Variants in SEMA3D observed in about 807,000 individuals in gnomAD.
SEMA3D encodes semaphorin 3D, also known as semaphorin-3D.
Under a neutral mutation model 100.1 loss-of-function variants are expected in SEMA3D, and 84 were observed. The ratio of observed to expected loss-of-function variants is 0.84; its 90% CI spans 0.70 to 1.01. SEMA3D has a LOEUF of 1.01. SEMA3D is among the 50% of genes least tolerant of loss of function. The pLI, the probability that SEMA3D is intolerant of heterozygous loss-of-function variation, is 0.00. For missense variants in SEMA3D, 875 were observed against 934.1 expected, an observed-to-expected ratio of 0.94 and a Z score of 0.82; for synonymous variants, 312 against 320.7, an observed-to-expected ratio of 0.97 and a Z score of 0.29.
intron 2 of SEMA3D, among the ~76,000 whole-genome samples, chr7:85,149,511 G>C (rs575081969): frequency 6.6e-6 from 1 of 152,026 alleles, no homozygotes; most frequent in Non-Finnish European, 1.5e-5. Flanking sequence ...AGTAACACTT[G>C]CCTCAAACAA....
At chr7:85,001,453 G>A (rs1483066047) in intron 18 of SEMA3D, among the ~76,000 whole-genome samples, 1 of 152,178 alleles carries the variant, frequency 6.6e-6, no homozygotes, top group African/African-American at 2.4e-5. Flanking sequence ...TAAAATAAAT[G>A]TGAATTTGAA....
chr7:85,038,439 G>A (rs1414328353), intron 11 of SEMA3D, among the ~76,000 whole-genome samples: 4 of 152,098 alleles, frequency 2.6e-5, no homozygotes, highest in Non-Finnish European at 5.9e-5. Flanking sequence ...TGCCATTATT[G>A]CAGGTTTATT....
chr7:85,213,053 T>G, the SEMA3D span, among the ~76,000 whole-genome samples: 806 of 152,142 alleles, frequency 5.3e-3, 21 homozygotes, highest in African/African-American at 0.018. Context: ...AGAATACATT[T>G]AGGAATTGTT....
At chr7:85,161,106 G>A (rs1377461739) in intron 1 of SEMA3D, among the ~76,000 whole-genome samples, 1 of 151,982 alleles carries the variant, frequency 6.6e-6, no homozygotes, top group Non-Finnish European at 1.5e-5. Context: ...CATAAAATAA[G>A]GAAATATCAG....
intron 1 of SEMA3D, among the ~76,000 whole-genome samples, chr7:85,174,705 A>G (rs1006319313): frequency 6.6e-6 from 1 of 152,170 alleles, no homozygotes; most frequent in Non-Finnish European, 1.5e-5. Flanking sequence ...TTTTGAATGA[A>G]AAAATCTTTT....
chr7:85,200,105 G>A, the SEMA3D span, among the ~76,000 whole-genome samples: 1 of 152,170 alleles, frequency 6.6e-6, no homozygotes, highest in Non-Finnish European at 1.5e-5. Flanking sequence ...TCAGTCTCAG[G>A]TATGTCTTTA....
intron 6 of SEMA3D, among the ~76,000 whole-genome samples, chr7:85,070,406 G>T (rs537622654): frequency 6.6e-6 from 1 of 152,198 alleles, no homozygotes; most frequent in Admixed American, 6.5e-5. Flanking sequence ...TCTTCCCATT[G>T]CCCCAGCCAC....
intron 3 of SEMA3D, among the ~76,000 whole-genome samples, chr7:85,120,683 AG>A (rs1193619436): frequency 1.3e-5 from 2 of 150,644 alleles, no homozygotes; most frequent in African/African-American, 2.5e-5. Context: ...AAAAAAAAAA[AG>A]GTTTTAATTA....
chr7:85,206,854 A>G, the SEMA3D span, among the ~76,000 whole-genome samples: 165 of 152,236 alleles, frequency 1.1e-3, no homozygotes, highest in Non-Finnish European at 2.2e-3. Context: ...TTTCAAATAC[A>G]TATATCCACA....
chr7:85,157,737 A>AC, intron 1 of SEMA3D: 1 of 527,778 alleles, frequency 1.9e-6, no homozygotes, highest in Non-Finnish European at 2.4e-6. Flanking sequence ...CCTCAACAAC[A>AC]CCCAACAGTC....
chr7:85,065,620 A>T, intron 7 of SEMA3D, 68 bp from the exon 8 acceptor site: 1 of 1,182,982 alleles, frequency 8.5e-7, no homozygotes. Flanking sequence ...AACATGTACA[A>T]ATTTCACAGC....
intron 5 of SEMA3D, among the ~76,000 whole-genome samples, chr7:85,076,459 A>C (rs1791925208): frequency 6.6e-6 from 1 of 152,218 alleles, no homozygotes; most frequent in South Asian, 2.1e-4. Context: ...ATTAACACTT[A>C]GAATTTTAGT....
At chr7:85,130,364 T>C (rs1789693238) in intron 2 of SEMA3D, among the ~76,000 whole-genome samples, 1 of 152,200 alleles carries the variant, frequency 6.6e-6, no homozygotes, top group African/African-American at 2.4e-5. Flanking sequence ...ATTTTTTATA[T>C]TTCTAATGAT....
intron 11 of SEMA3D, among the ~76,000 whole-genome samples, chr7:85,039,538 G>A (rs564308497): frequency 1.2e-4 from 19 of 152,234 alleles, no homozygotes; most frequent in African/African-American, 4.3e-4. Flanking sequence ...GGATTTACAG[G>A]CATGAGCCAT....
At chr7:85,169,063 T>C (rs574195605) in intron 1 of SEMA3D, among the ~76,000 whole-genome samples, 1 of 151,798 alleles carries the variant, frequency 6.6e-6, no homozygotes, top group East Asian at 1.9e-4. Flanking sequence ...TATTTTATCA[T>C]TATTTTCTTA....
intron 4 of SEMA3D, among the ~76,000 whole-genome samples, chr7:85,086,281 A>G (rs1172298452): frequency 6.6e-6 from 1 of 152,086 alleles, no homozygotes; most frequent in Non-Finnish European, 1.5e-5. Context: ...TGTCAGTTTA[A>G]TTATGATTTG....
intron 2 of SEMA3D, chr7:85,142,488 C>A (rs763472660): frequency 1.4e-4 from 142 of 982,058 alleles, no homozygotes; most frequent in Non-Finnish European, 1.7e-4. Flanking sequence ...ATCTAGCTCA[C>A]GGTTGTCCTA....
intron 1 of SEMA3D, among the ~76,000 whole-genome samples, chr7:85,174,027 C>A (rs532009250): frequency 6.6e-6 from 1 of 152,210 alleles, no homozygotes; most frequent in East Asian, 1.9e-4. Flanking sequence ...CGAGCCAGGG[C>A]TCCTGGTGTG....
intron 8 of SEMA3D, among the ~76,000 whole-genome samples, chr7:85,059,337 TC>T (rs1310680529): frequency 1.4e-4 from 22 of 152,288 alleles, no homozygotes; most frequent in Admixed American, 7.2e-4. Flanking sequence ...AATAATAAAT[TC>T]TTAAGTAATT....
Sources: allele counts gnomAD v4.1 joint callset (sites outside exome capture counted in the v4.1 genomes callset), GRCh38; gene constraint gnomAD v4.1.1; transcripts MANE v1.5; gene names NCBI Gene and HGNC (gene_info 2026-07-23, HGNC 2026-07-21).